MAML2: variants seen among roughly 807,000 people sequenced by gnomAD.
MAML2 encodes mastermind like transcriptional coactivator 2.
MAML2 carries 22 observed loss-of-function variants against 96.1 expected under a neutral mutation model. That is an observed-to-expected ratio of 0.23 (90% CI 0.16 to 0.33). The LOEUF (loss-of-function observed/expected upper bound fraction) is 0.33, where lower values mean the gene tolerates loss of function less well. MAML2 is among the 10% of genes least tolerant of loss of function. The pLI is 1.00. For synonymous variants in MAML2, 561 were observed against 521.3 expected, an observed-to-expected ratio of 1.08 and a Z score of -1.04; for missense variants, 1,367 against 1,392.4, an observed-to-expected ratio of 0.98 and a Z score of 0.29.
intron 1 of MAML2, among the ~76,000 whole-genome samples, chr11:96,300,314 T>G (rs1055522642): frequency 1.3e-5 from 2 of 152,088 alleles, no homozygotes; most frequent in Non-Finnish European, 2.9e-5. Flanking sequence ...GTTGGGAAGA[T>G]GAGAAGCCTT....
chr11:96,334,315 AT>A (rs1453744924), intron 1 of MAML2, among the ~76,000 whole-genome samples: 2 of 152,206 alleles, frequency 1.3e-5, no homozygotes, highest in African/African-American at 4.8e-5. Context: ...AACAGCTAAA[AT>A]TTATTGAGCC....
intron 2 of MAML2, among the ~76,000 whole-genome samples, chr11:96,017,037 GTAA>G (rs1381890923): frequency 1.3e-5 from 2 of 152,094 alleles, no homozygotes; most frequent in African/African-American, 4.8e-5. Context: ...GGAATAATCA[GTAA>G]TAATAATAAT....
Position 95,977,118 on chromosome 11 carries a change from G to A in MAML2, c.*1830C>T, listed in dbSNP as rs932872924. 2.5e-5 allele frequency: 5 copies of A among 196,178 alleles called. No homozygotes were observed. The highest frequency in any genetic ancestry group is 4.2e-5 in the Non-Finnish European group (4 of 94,498). 12.2% of individuals were successfully genotyped at this position (196,178 alleles called of 1,614,324 possible). A position where few individuals can be genotyped will look rare whatever the true frequency, so the allele number is the denominator to read the frequency against. On this transcript the variant is annotated 3_prime_UTR_variant, in exon 5 of 5. Transcript: ENST00000524717. ...CCACTCAACCACCTATGGTTTAAGTGTAGAGCTAAAAATAAACCATCATAT... is the reference window on the plus strand; with the variant it reads ...CCACTCAACCACCTATGGTTTAAGTATAGAGCTAAAAATAAACCATCATAT...
At chr11:96,103,866 CT>C (rs1383238297) in intron 1 of MAML2, among the ~76,000 whole-genome samples, 8 of 152,210 alleles carry the variant, frequency 5.3e-5, no homozygotes, top group Non-Finnish European at 1.2e-4. Flanking sequence ...AGCTACACTA[CT>C]TTTTTGTTTG....
intron 1 of MAML2, among the ~76,000 whole-genome samples, chr11:96,239,895 C>G (rs559361227): frequency 1.1e-4 from 16 of 152,342 alleles, no homozygotes; most frequent in South Asian, 4.1e-4. Flanking sequence ...GTCTTCTTAA[C>G]ATTTCTGAGC....
intron 1 of MAML2, among the ~76,000 whole-genome samples, chr11:96,231,372 G>A (rs991640974): frequency 2.0e-5 from 3 of 152,156 alleles, no homozygotes; most frequent in African/African-American, 7.2e-5. Flanking sequence ...TGCTAAATAT[G>A]CTTGTTTCAT....
At chr11:96,081,197 A>G (rs1859523916) in intron 2 of MAML2, among the ~76,000 whole-genome samples, 1 of 152,212 alleles carries the variant, frequency 6.6e-6, no homozygotes, top group South Asian at 2.1e-4. Context: ...ATTGAAATAC[A>G]TCTTCCGAAA....
At chr11:96,244,931 A>G (rs141351881) in intron 1 of MAML2, among the ~76,000 whole-genome samples, 30 of 152,348 alleles carry the variant, frequency 2.0e-4, no homozygotes, top group African/African-American at 7.2e-4. Context: ...AAAAGGATCT[A>G]TTTTGTCCAC....
At position 96,040,532 on chromosome 11, in the gene MAML2, C is replaced by T. The variant is rs11602805; in HGVS notation, c.2140-48809G>A. Among the ~76,000 whole-genome samples, 892 of 152,094 alleles carry T rather than the reference C, an allele frequency of 5.9e-3. 14 individuals carry two copies. Among genetic ancestry groups the T allele is most frequent in the African/African-American group, 0.02 (829 of 41,494 alleles). On this transcript the variant is annotated intron_variant, in intron 2 of 4. Coordinates refer to ENST00000524717, the MANE Select transcript of MAML2 (RefSeq NM_032427.4). The stretch of plus-strand genomic sequence containing the variant: ...CTGTAATCCCAGCACTTTGGGAGGC[C>T]GAGGCGGGTGGATCACCTGAGGTCA...
At chr11:96,208,721 C>T (rs934099048) in intron 1 of MAML2, among the ~76,000 whole-genome samples, 1 of 152,056 alleles carries the variant, frequency 6.6e-6, no homozygotes, top group Non-Finnish European at 1.5e-5. Flanking sequence ...AAGACAAAAT[C>T]TCTGAATTGC....
intron 1 of MAML2, among the ~76,000 whole-genome samples, chr11:96,226,786 T>C (rs938396769): frequency 3.9e-5 from 6 of 152,224 alleles, no homozygotes; most frequent in African/African-American, 1.4e-4. Flanking sequence ...ACTATAAAAA[T>C]GCACTTAAGT....
chr11:96,116,966 TAAC>T (rs749723445), intron 1 of MAML2, among the ~76,000 whole-genome samples: 2 of 152,260 alleles, frequency 1.3e-5, no homozygotes, highest in East Asian at 3.9e-4. Flanking sequence ...TGATTACTAA[TAAC>T]AAATGATGAA....
chr11:95,985,192 G>A (rs977168195), intron 4 of MAML2, among the ~76,000 whole-genome samples: 1 of 152,188 alleles, frequency 6.6e-6, no homozygotes, highest in African/African-American at 2.4e-5. Flanking sequence ...ACATGTGCCT[G>A]TCTAAGAGGG....
Position 95,992,884 on chromosome 11 carries a change from CT to C in MAML2, c.2140-1162del, listed in dbSNP as rs201496515. Among the ~76,000 whole-genome samples the C allele has an allele frequency of 5.6e-3, 808 of 144,562 alleles. 2 individuals carry two copies. Among genetic ancestry groups the C allele is most frequent in the African/African-American group, 0.015 (609 of 39,638 alleles). The allele number at this position is 144,562 out of a possible 152,430, so 94.8% of individuals were successfully genotyped here. On this transcript the variant is annotated intron_variant, in intron 2 of 4. Coordinates refer to ENST00000524717, the MANE Select transcript of MAML2 (RefSeq NM_032427.4). ...GGGAACAAAAGAAATCCAACTCTCT[CT>C]TTTTTTTTTTTAAGAGACAGAGTCT...
intron 1 of MAML2, among the ~76,000 whole-genome samples, chr11:96,332,547 G>A (rs1165751163): frequency 1.3e-5 from 2 of 152,196 alleles, no homozygotes; most frequent in African/African-American, 4.8e-5. Flanking sequence ...GCCTCTGTCT[G>A]TTGTTTCTGT....
At chr11:96,341,279 G>A in intron 1 of MAML2, 104 bp downstream of exon 1, 1 of 1,297,404 alleles carries the variant, frequency 7.7e-7, no homozygotes, top group Non-Finnish European at 1.0e-6. Flanking sequence ...GTGACATCTT[G>A]GCCTTTTTCA....
rs778145805 is a variant in MAML2, at chr11:96,093,145, C to T, written c.886G>A (p.Asp296Asn). 24 of 1,613,828 alleles carry T rather than the reference C, an allele frequency of 1.5e-5. No individual in the cohort carries two copies. Among genetic ancestry groups the T allele is most frequent in the Admixed American group, 6.7e-5 (4 of 59,992 alleles). ...ENIFPNRYGD[D>N]PGEQLMDPEL... is the part of the protein sequence containing the mutation. ...GGATCCATCAGTTGTTCTCCAGGGT[C>T]GTCTCCGTACCTATTAGGAAAAATA... Residue 296 changes from aspartate (D) to asparagine (N), a missense_variant, in exon 2 of 5, where the codon GAC (aspartate) becomes AAC (asparagine). Transcript: ENST00000524717.
intron 2 of MAML2, among the ~76,000 whole-genome samples, chr11:96,082,703 C>G (rs1859546513): frequency 6.6e-6 from 1 of 152,022 alleles, no homozygotes; most frequent in African/African-American, 2.4e-5. Context: ...TGGAGCAAGG[C>G]AGAATTGCTT....
Position 96,220,964 on chromosome 11 carries a change from C to T in MAML2, c.513+120419G>A, listed in dbSNP as rs546376896. Among the ~76,000 whole-genome samples the T allele has an allele frequency of 2.5e-4, 38 of 152,228 alleles. No homozygotes were observed. The South Asian group carries it at 4.4e-3, about 17-fold the overall frequency. ...AAACAAATTCATTTTTGGATCAGTA[C>T]CCAGTGCCTTTTTCATAACAGGTAT... is the stretch of plus-strand genomic sequence containing the variant. On this transcript the variant is annotated intron_variant, in intron 1 of 4. Coordinates refer to ENST00000524717, the MANE Select transcript of MAML2 (RefSeq NM_032427.4).
Sources: allele counts gnomAD v4.1 joint callset (sites outside exome capture counted in the v4.1 genomes callset), GRCh38; gene constraint gnomAD v4.1.1; transcripts MANE v1.5; gene names NCBI Gene and HGNC (gene_info 2026-07-23, HGNC 2026-07-21).